MDN1: variants seen among roughly 807,000 people sequenced by gnomAD.
The protein encoded by MDN1 is midasin.
In MDN1, 266 loss-of-function variants were observed where a neutral mutation model predicts 669.2. The observed-to-expected ratio is 0.40, with a 90% confidence interval of 0.36 to 0.44. MDN1 has a LOEUF of 0.44. Among genes scored for constraint, MDN1 ranks in the 20% least tolerant of loss-of-function variants. The pLI is 1.00. For synonymous variants in MDN1, 2,385 were observed against 2,457.1 expected (o/e 0.97, Z 0.87); for missense variants, 5,940 against 6,754.0 (o/e 0.88, Z 4.22).
chr6:89,734,226 A>C (rs962638197), intron 33 of MDN1, among the ~76,000 whole-genome samples: 3 of 152,152 alleles, frequency 2.0e-5, no homozygotes, highest in Non-Finnish European at 4.4e-5. Flanking sequence ...CAGAGGTTGC[A>C]GTGAGCCAAG....
chr6:89,656,557 C>G (rs1189935422), intron 91 of MDN1, 143 bp downstream of exon 91: 3 of 696,442 alleles, frequency 4.3e-6, no homozygotes, highest in Non-Finnish European at 7.3e-6. Flanking sequence ...GGTCTGCTCA[C>G]CAAGGCTGCT....
chr6:89,682,971 T>G (rs1811747078), intron 73 of MDN1, among the ~76,000 whole-genome samples, 161 bp downstream of exon 73: 1 of 151,924 alleles, frequency 6.6e-6, no homozygotes, highest in Admixed American at 6.6e-5. Context: ...ATTTTTTGCC[T>G]TATTCTGCAG....
chr6:89,683,816 T>C lies in MDN1; in HGVS notation c.11903+15A>G. Reference sequence around the variant, plus strand: ...ATTCTATTTTGGTTGTCTCCAGTTTTAAAAGATGGATTACCTGTGTGTCTT... The same window carrying C: ...ATTCTATTTTGGTTGTCTCCAGTTTCAAAAGATGGATTACCTGTGTGTCTT... On this transcript the variant is annotated intron_variant, in intron 72 of 101. Coordinates refer to ENST00000369393, the MANE Select transcript of MDN1 (RefSeq NM_014611.3). 1 of 1,606,962 alleles carries C rather than the reference T, an allele frequency of 6.2e-7. No homozygotes were observed. Among genetic ancestry groups the C allele is most frequent in the Non-Finnish European group, 8.5e-7 (1 of 1,174,154 alleles).
intron 35 of MDN1, 138 bp downstream of exon 35, chr6:89,730,588 G>A: frequency 1.5e-6 from 1 of 685,300 alleles, no homozygotes; most frequent in Non-Finnish European, 2.4e-6. Flanking sequence ...CACAATTATG[G>A]TTATTCTCAA....
chr6:89,754,656 A>G (rs1817140768), intron 20 of MDN1, among the ~76,000 whole-genome samples: 1 of 152,224 alleles, frequency 6.6e-6, no homozygotes, highest in African/African-American at 2.4e-5. Flanking sequence ...AGTACTGACA[A>G]AACGTTAAAA....
intron 15 of MDN1, among the ~76,000 whole-genome samples, chr6:89,763,342 A>C (rs1286045689): frequency 2.0e-5 from 3 of 151,640 alleles, no homozygotes; most frequent in Non-Finnish European, 4.4e-5. Context: ...CAAAAAAAAA[A>C]AAAAAAAAAA....
At chr6:89,775,172 T>C (rs1273120168) in intron 12 of MDN1, among the ~76,000 whole-genome samples, 1 of 152,236 alleles carries the variant, frequency 6.6e-6, no homozygotes, top group Non-Finnish European at 1.5e-5. Flanking sequence ...CCTGGATGTC[T>C]ACCCAACAGC....
At chr6:89,764,366 G>A (rs907212422) in intron 15 of MDN1, among the ~76,000 whole-genome samples, 3 of 152,136 alleles carry the variant, frequency 2.0e-5, no homozygotes, top group Non-Finnish European at 2.9e-5. Flanking sequence ...AGCACTTTGG[G>A]AGGCTAAACA....
At chr6:89,752,872 C>A (rs930144924) in intron 22 of MDN1, among the ~76,000 whole-genome samples, 2 of 152,160 alleles carry the variant, frequency 1.3e-5, no homozygotes, top group Non-Finnish European at 2.9e-5. Context: ...CGCCTGTAAT[C>A]CCAGCACTTT....
At chr6:89,698,625 A>C (rs1812937196) in intron 59 of MDN1, among the ~76,000 whole-genome samples, 1 of 152,202 alleles carries the variant, frequency 6.6e-6, no homozygotes, top group Admixed American at 6.5e-5. Flanking sequence ...AAAATGTTTT[A>C]ATTAGAAAAA....
At chr6:89,677,276 T>C (rs979812603) in intron 76 of MDN1, among the ~76,000 whole-genome samples, 1 of 152,048 alleles carries the variant, frequency 6.6e-6, no homozygotes, top group East Asian at 1.9e-4. Flanking sequence ...GTATTTTTAG[T>C]AGACACAGGG....
rs765584605 is a variant in MDN1 at position 89,701,609 on chromosome 6, G to A, written c.8376C>T (p.Phe2792=). Residue 2792 remains phenylalanine (F), a synonymous_variant, in exon 55 of 102, where the codon TTC becomes TTT. Coordinates refer to ENST00000369393, the MANE Select transcript of MDN1 (RefSeq NM_014611.3). ...QNCLGSQTGG[F]AGIKKLQKFL... ...ACTTCTGCAACTTCTTTATACCAGC[G>A]AAGCCACCAGTCTGGCTCCCCAGAC... The A allele has an allele frequency of 6.2e-6, 10 of 1,614,010 alleles. No individual in the cohort carries two copies. In the Admixed American group the frequency reaches 1.2e-4, roughly 19 times the overall value.
chr6:89,690,690 A>T lies in MDN1; in HGVS notation c.10732T>A (p.Phe3578Ile). 1.2e-6 allele frequency: 2 copies of T among 1,614,110 alleles called. No individual in the cohort carries two copies. Among genetic ancestry groups the T allele is most frequent in the Non-Finnish European group, 1.7e-6 (2 of 1,180,004 alleles). The stretch of plus-strand genomic sequence containing the variant: ...TGCTCTACCTTTTCATGCAGGGGGA[A>T]CTGTTTTCTGAACTCCCGTTCTTCC... ...EEEEREFRKQ[F>I]PLHEKDFADI... The change falls in exon 64 of 102, where the codon TTC (phenylalanine) becomes ATC (isoleucine). Residue 3578 changes from phenylalanine to isoleucine, a missense_variant. Phe to Ile is a conservative substitution (Grantham distance 21). Around this residue, in one of 5 missense-constraint regions of MDN1, gnomAD observed 2,280 missense variants for 2,576.3 expected, o/e 0.88. Transcript: ENST00000369393.
intron 99 of MDN1, 147 bp downstream of exon 99, chr6:89,647,885 C>T (rs1584077355): frequency 2.0e-5 from 13 of 635,462 alleles, no homozygotes; most frequent in East Asian, 1.4e-4. Flanking sequence ...CCCGGGAGTT[C>T]GAAGCTATAG....
chr6:89,695,661 C>G lies in MDN1; in HGVS notation c.9715G>C (p.Ala3239Pro). 1 of 1,613,024 alleles carries G rather than the reference C, an allele frequency of 6.2e-7. No homozygotes were observed. Among genetic ancestry groups the G allele is most frequent in the Non-Finnish European group, 8.5e-7 (1 of 1,179,582 alleles). The change falls in exon 61 of 102, where the codon GCA (alanine) becomes CCA (proline). Residue 3239 changes from alanine to proline, a missense_variant. By Grantham distance (27) the Ala-to-Pro change is conservative. This residue lies in a region of MDN1 where 2,292 missense variants were observed against 2,638.3 expected (regional missense o/e 0.87). Coordinates refer to ENST00000369393, the MANE Select transcript of MDN1 (RefSeq NM_014611.3). This position sits in a 1 kb window ranked among gnomAD's most constrained non-coding sequence, Gnocchi z 4.1. ...LLQIQTWLPQ[A>P]RFDPAVKREY... Reference sequence around the variant, plus strand: ...CTCTTCACCGCAGGGTCAAAGCGTGCCTGGGGAAGCCATGTCTGAATCTGG... The same window carrying G: ...CTCTTCACCGCAGGGTCAAAGCGTGGCTGGGGAAGCCATGTCTGAATCTGG...
chr6:89,748,368 G>C (rs1366884320), intron 26 of MDN1, among the ~76,000 whole-genome samples: 1 of 152,150 alleles, frequency 6.6e-6, no homozygotes, highest in Non-Finnish European at 1.5e-5. Flanking sequence ...AAAGATGCAG[G>C]AAGATTAGTG....
intron 43 of MDN1, among the ~76,000 whole-genome samples, 187 bp downstream of exon 43, chr6:89,718,179 T>G (rs1814538827): frequency 6.6e-6 from 1 of 152,230 alleles, no homozygotes; most frequent in Non-Finnish European, 1.5e-5. Context: ...CCTATTTGAT[T>G]TTTCAGGATC....
chr6:89,727,960 G>C lies in MDN1; in HGVS notation c.5350-5C>G, dbSNP rs1056240022. ...TCCAAACAGGTCTGTGATGTCCTTTGAAAGGGGAAGAAATGGAAAGAAGCC... is the reference window on the plus strand; with the variant it reads ...TCCAAACAGGTCTGTGATGTCCTTTCAAAGGGGAAGAAATGGAAAGAAGCC... On this transcript the variant is annotated splice_region_variant and splice_polypyrimidine_tract_variant and intron_variant, in intron 36 of 101. Transcript: ENST00000369393. 3 of 1,598,328 alleles carry C rather than the reference G, an allele frequency of 1.9e-6. No individual in the cohort carries two copies. The highest frequency in any genetic ancestry group is 1.8e-5 in the Admixed American group (1 of 55,538).
In MDN1 at chr6:89,690,080, C is replaced by T. The variant is rs140978553; in HGVS notation, c.10813G>A (p.Glu3605Lys). Residue 3605 changes from glutamate (E) to lysine (K), a missense_variant, in exon 65 of 102, where the codon GAA becomes AAA. By Grantham distance (56) the Glu-to-Lys change is moderately conservative (BLOSUM62 1). This residue lies in a region of MDN1 where 2,280 missense variants were observed against 2,576.3 expected (regional missense o/e 0.88). Coordinates refer to ENST00000369393, the MANE Select transcript of MDN1 (RefSeq NM_014611.3). ...EENKGTSDGQ[E>K]EEAGTNPALL... ...GCTGGGTTTGTGCCTGCTTCCTCTT[C>T]TTGCCCATCTGAAGTTCCTTTGTTC... The T allele has an allele frequency of 2.4e-3, 3,867 of 1,614,180 alleles. 2 individuals carry two copies. The highest frequency in any genetic ancestry group is 2.9e-3 in the Non-Finnish European group (3,375 of 1,180,014).
Sources: gnomAD v4.1 joint callset for allele counts (sites outside exome capture counted in the v4.1 genomes callset) on GRCh38, gnomAD v4.1.1 for gene constraint, gnomAD v4.1.1 regional missense constraint, Gnocchi (gnomAD v3.1) non-coding constraint, MANE v1.5 for transcripts, NCBI Gene and HGNC (gene_info 2026-07-23, HGNC 2026-07-21) for gene names.